CAPN15: variants seen among roughly 807,000 people sequenced by gnomAD.
CAPN15 encodes the protein calpain 15.
Under a neutral mutation model 97.9 loss-of-function variants are expected in CAPN15, and 53 were observed. The observed-to-expected ratio is 0.54, with a 90% confidence interval of 0.43 to 0.68. CAPN15 has a LOEUF of 0.68. Ranked by LOEUF, CAPN15 falls within the 30% of genes least tolerant of loss-of-function variation. The probability of loss-of-function intolerance (pLI) is 0.00; values close to 1 mark genes in which losing one functional copy is unlikely to be tolerated. For synonymous variants in CAPN15, 922 were observed against 722.5 expected, an observed-to-expected ratio of 1.28 and a Z score of -4.43; for missense variants, 1,592 against 1,589.8, an observed-to-expected ratio of 1.00 and a Z score of -0.02.
intron 3 of CAPN15, among the ~76,000 whole-genome samples, chr16:545,640 C>T (rs1471554671): frequency 2.0e-5 from 3 of 152,236 alleles, no homozygotes; most frequent in Admixed American, 2.0e-4. Context: ...GTCCTGGGGA[C>T]CCGGGTTCTC....
In CAPN15 at chr16:552,545, C is replaced by G. The variant is rs540441024; in HGVS notation, c.2737+15C>G. The G allele has an allele frequency of 6.3e-7, 1 of 1,586,318 alleles. No homozygotes were observed. The highest frequency in any genetic ancestry group is 8.5e-7 in the Non-Finnish European group (1 of 1,170,462). On this transcript the variant is annotated intron_variant, in intron 11 of 13. Coordinates refer to ENST00000219611, the MANE Select transcript of CAPN15 (RefSeq NM_005632.3). This position sits in a 1 kb window ranked among gnomAD's most constrained non-coding sequence, Gnocchi z 6.4. Reference sequence around the variant, plus strand: ...TGCCCCCCAGGGTACGTGGCCCCTACCCCAGGCTCATGCCCCAGGCCCACG... The same window carrying G: ...TGCCCCCCAGGGTACGTGGCCCCTAGCCCAGGCTCATGCCCCAGGCCCACG...
At position 547,590 on chromosome 16, in the gene CAPN15, T is replaced by C. The variant is rs759980931; in HGVS notation, c.752T>C (p.Val251Ala). ...CCCGTGCCGCGCAGCCGACGCGAGG[T>C]TCCCCCCCAGCTGCAGCCACCGGTG... Reference protein sequence around the residue: ...NNPVPRSRREVPPQLQPPVPE... With the variant: ...NNPVPRSRREAPPQLQPPVPE... Residue 251 changes from valine to alanine, a missense_variant, in exon 4 of 14, where the codon GTT becomes GCT. Val to Ala is a moderately conservative substitution (Grantham distance 64). This residue lies in a region of CAPN15 where 883 missense variants were observed against 776.6 expected (regional missense o/e 1.14). Coordinates refer to ENST00000219611, the MANE Select transcript of CAPN15 (RefSeq NM_005632.3). 1.3e-5 allele frequency: 21 copies of C among 1,577,126 alleles called. No individual in the cohort carries two copies. In the Admixed American group the frequency reaches 1.4e-4, roughly 10 times the overall value.
rs79224710 is a variant in CAPN15, at chr16:548,651, A to G, written c.1450-342A>G. 0.015 allele frequency among the ~76,000 whole-genome samples: 2,212 copies of G among 152,298 alleles called. 181 individuals are homozygous for G. The East Asian group carries it at 0.24, about 16-fold the overall frequency. On this transcript the variant is annotated intron_variant, in intron 4 of 13. Transcript: ENST00000219611. ...GGGATGTACCCGTGCTCCGCCCTCT[A>G]GAGTCCAGGATGGCATCACCCACGG...
At position 553,530 on chromosome 16, in the gene CAPN15, G is replaced by A; in HGVS notation, c.*14G>A. ...CGACCGCTGTGACCACCATGCCTGG[G>A]GCAGGGGCTGTGCACAGACGGACCC... On this transcript the variant is annotated 3_prime_UTR_variant, in exon 14 of 14. Transcript: ENST00000219611. The A allele has an allele frequency of 1.3e-6, 2 of 1,590,308 alleles. No individual in the cohort carries two copies. Among genetic ancestry groups the A allele is most frequent in the East Asian group, 2.3e-5 (1 of 44,096 alleles).
rs200245058 is a variant in CAPN15 at position 551,274 on chromosome 16, G to A, written c.2067-28G>A. 7.3e-5 allele frequency: 114 copies of A among 1,552,788 alleles called. 1 individual carries two copies. The highest frequency in any genetic ancestry group is 3.5e-4 in the Middle Eastern group (2 of 5,772). On this transcript the variant is annotated intron_variant, in intron 7 of 13. Coordinates refer to ENST00000219611, the MANE Select transcript of CAPN15 (RefSeq NM_005632.3). ...AGGGTCCCCTGTCGGTGAGGGTCCC[G>A]GTCGGTGAGGGCCGCTCTGCCACAC...
At position 553,049 on chromosome 16, in the gene CAPN15, C is replaced by T. The variant is rs763800938; in HGVS notation, c.3083+8C>T. 1 of 1,445,102 alleles carries T rather than the reference C, an allele frequency of 6.9e-7. No homozygotes were observed. The highest frequency in any genetic ancestry group is 2.0e-5 in the Admixed American group (1 of 49,884). The allele number at this position is 1,445,102 out of a possible 1,614,324, so 89.5% of individuals were successfully genotyped here. A position where few individuals can be genotyped will look rare whatever the true frequency, so the allele number is the denominator to read the frequency against. The stretch of plus-strand genomic sequence containing the variant: ...CGTGCCACCCCTGCACAGGTGCGCC[C>T]CCGCCCCTGCCCCCCCACCCCTGCA... On this transcript the variant is annotated splice_region_variant and intron_variant, in intron 13 of 13. Transcript: ENST00000219611.
At chr16:541,164 C>T (rs746502424) in intron 3 of CAPN15, among the ~76,000 whole-genome samples, 9 of 152,332 alleles carry the variant, frequency 5.9e-5, no homozygotes, top group Admixed American at 1.3e-4. Flanking sequence ...GTGGGAGGGA[C>T]GGGCGTGGAG....
rs1281771015 is a variant in CAPN15, at chr16:552,753, C to T, written c.2886C>T (p.Ser962=). 1.3e-6 allele frequency: 2 copies of T among 1,538,730 alleles called. No homozygotes were observed. The highest frequency in any genetic ancestry group is 2.0e-5 in the Admixed American group (1 of 49,954). ...LADAIILLTE[S]RGERHEGREG... ...ACGCCATCATCCTGCTCACCGAGAG[C>T]CGCGGAGAGCGGCACGAGGTGGGTG... The change falls in exon 12 of 14, where the codon AGC becomes AGT. Residue 962 remains serine, a synonymous_variant. Coordinates refer to ENST00000219611, the MANE Select transcript of CAPN15 (RefSeq NM_005632.3). The surrounding 1 kb of genome is among the most constrained non-coding windows in gnomAD (Gnocchi z 6.4).
At position 535,999 on chromosome 16, in the gene CAPN15, G is replaced by GCCCCCC. The variant is rs2033685066; in HGVS notation, c.-136-29_-136-28insCCCCCC. Reference sequence around the variant, plus strand: ...CACACTCCTTGGTGACAGTGCCCCTGCACGCCCCCCCCCCCCCCCGGTTAT... The same window carrying GCCCCCC: ...CACACTCCTTGGTGACAGTGCCCCTGCCCCCCCACGCCCCCCCCCCCCCCCGGTTAT... On this transcript the variant is annotated intron_variant, in intron 2 of 13. Coordinates refer to ENST00000219611, the MANE Select transcript of CAPN15 (RefSeq NM_005632.3). This position sits in a 1 kb window ranked among gnomAD's most constrained non-coding sequence, Gnocchi z 6.2. 7.6e-6 allele frequency: 2 copies of GCCCCCC among 261,944 alleles called. No homozygotes were observed. Among genetic ancestry groups the GCCCCCC allele is most frequent in the Admixed American group, 1.4e-4 (1 of 7,228 alleles). The allele number at this position is 261,944 out of a possible 1,614,324, so 16.2% of individuals were successfully genotyped here. A position where few individuals can be genotyped will look rare whatever the true frequency, so the allele number is the denominator to read the frequency against.
At position 551,524 on chromosome 16, in the gene CAPN15, C is replaced by T. The variant is rs767916757; in HGVS notation, c.2205C>T (p.Leu735=). ...CTGTGGTCTGCAGGCTTCTGCGGCT[C>T]CGAAACCCGTGGGGCCGTTTCTCCT... ...RDVQGTRLLR[L]RNPWGRFSWN... The change falls in exon 9 of 14, where the codon CTC becomes CTT. Residue 735 remains leucine, a synonymous_variant. Coordinates refer to ENST00000219611, the MANE Select transcript of CAPN15 (RefSeq NM_005632.3). 2 of 1,610,342 alleles carry T rather than the reference C, an allele frequency of 1.2e-6. No homozygotes were observed. The highest frequency in any genetic ancestry group is 2.2e-5 in the South Asian group (2 of 91,024).
chr16:547,545 C>T lies in CAPN15; in HGVS notation c.707C>T (p.Ser236Leu), dbSNP rs760059173. 9 of 1,597,476 alleles carry T rather than the reference C, an allele frequency of 5.6e-6. No homozygotes were observed. Among genetic ancestry groups the T allele is most frequent in the Admixed American group, 1.7e-5 (1 of 59,918 alleles). ...PPRVPPFSPF[S>L]STLQNNPVPR... ...AGGGTCCCGCCCTTCAGCCCCTTCT[C>T]GTCCACCCTGCAGAACAACCCCGTG... Residue 236 changes from serine (S) to leucine (L), a missense_variant, in exon 4 of 14, where the codon TCG (serine) becomes TTG (leucine). By Grantham distance (145) the Ser-to-Leu change is moderately radical. Coordinates refer to ENST00000219611, the MANE Select transcript of CAPN15 (RefSeq NM_005632.3).
chr16:533,576 G>A (rs1344831050), intron 1 of CAPN15, among the ~76,000 whole-genome samples: 6 of 152,178 alleles, frequency 3.9e-5, no homozygotes, highest in African/African-American at 1.2e-4. Context: ...CTGCAGCCCC[G>A]CTCATGGACT....
In CAPN15 at chr16:552,454, G is replaced by A. The variant is rs143688598; in HGVS notation, c.2661G>A (p.Glu887=). The A allele has an allele frequency of 1.2e-5, 20 of 1,609,872 alleles. No homozygotes were observed. Among genetic ancestry groups the A allele is most frequent in the Middle Eastern group, 1.6e-4 (1 of 6,082 alleles). The change falls in exon 11 of 14, where the codon GAG becomes GAA. Residue 887 remains glutamate (E), a synonymous_variant. Coordinates refer to ENST00000219611, the MANE Select transcript of CAPN15 (RefSeq NM_005632.3). The surrounding 1 kb of genome is among the most constrained non-coding windows in gnomAD (Gnocchi z 6.4). ...TCGTCAGCTGCGACGTCATGCTGGA[G>A]CCTGGCGAGTACGCTGTGGTGTGCT... ...KKFVSCDVML[E]PGEYAVVCCA...
At chr16:536,353 C>G (rs954424832) in intron 3 of CAPN15, among the ~76,000 whole-genome samples, 2 of 152,190 alleles carry the variant, frequency 1.3e-5, no homozygotes, top group Admixed American at 6.5e-5. Context: ...CTCCTCTTTC[C>G]TGGGGCCCTC....
At chr16:551,024 C>CG in intron 7 of CAPN15, among the ~76,000 whole-genome samples, 1 of 52,186 alleles carries the variant, frequency 1.9e-5, no homozygotes, top group East Asian at 5.8e-4. Context: ...TCGGTGAGGG[C>CG]CCCGGTCGGT....
In CAPN15 at chr16:554,483, G is replaced by A. The variant is rs2035310503; in HGVS notation, c.*967G>A. The A allele has an allele frequency of 6.6e-6, 3 of 454,890 alleles. No homozygotes were observed. Among genetic ancestry groups the A allele is most frequent in the African/African-American group, 2.0e-5 (1 of 50,058 alleles). 28.2% of individuals were successfully genotyped at this position (454,890 alleles called of 1,614,324 possible). A position where few individuals can be genotyped will look rare whatever the true frequency, so the allele number is the denominator to read the frequency against. On this transcript the variant is annotated 3_prime_UTR_variant, in exon 14 of 14. Coordinates refer to ENST00000219611, the MANE Select transcript of CAPN15 (RefSeq NM_005632.3). ...CCCCTTTGGCCTCCCTGTACTCTGA[G>A]CTGTGAATATTTTTAACCCTGTAAA... is the stretch of plus-strand genomic sequence containing the variant.
rs760811331 is a variant in CAPN15, at chr16:547,528, G to A, written c.690G>A (p.Pro230=). ...PAAEPEPPRV[P]PFSPFSSTLQ... is the part of the protein sequence containing the mutation. ...CCGAACCAGAGCCGCCCAGGGTCCC[G>A]CCCTTCAGCCCCTTCTCGTCCACCC... is the stretch of plus-strand genomic sequence containing the variant. The change falls in exon 4 of 14, where the codon CCG becomes CCA. Residue 230 remains proline (P), a synonymous_variant. Coordinates refer to ENST00000219611, the MANE Select transcript of CAPN15 (RefSeq NM_005632.3). The A allele has an allele frequency of 3.6e-5, 57 of 1,597,724 alleles. No individual in the cohort carries two copies. The highest frequency in any genetic ancestry group is 3.3e-4 in the East Asian group (15 of 44,826).
rs760666832 is a variant in CAPN15, at chr16:547,395, A to C, written c.557A>C (p.Glu186Ala). The change falls in exon 4 of 14, where the codon GAA becomes GCA. Residue 186 changes from glutamate (E) to alanine (A), a missense_variant. Physicochemically the swap from Glu to Ala is moderately radical, Grantham distance 107 (BLOSUM62 -1). Transcript: ENST00000219611. ...RIPPEALVVPEVVAPAGFHVV... is the reference protein window; with the variant it reads ...RIPPEALVVPAVVAPAGFHVV... ...CCTCCTGAGGCCCTGGTGGTCCCGGAAGTGGTGGCCCCGGCCGGCTTCCAC... is the reference window on the plus strand; with the variant it reads ...CCTCCTGAGGCCCTGGTGGTCCCGGCAGTGGTGGCCCCGGCCGGCTTCCAC... The C allele has an allele frequency of 6.4e-6, 10 of 1,563,648 alleles. No individual in the cohort carries two copies. The highest frequency in any genetic ancestry group is 6.9e-6 in the Non-Finnish European group (8 of 1,162,218).
rs111857694 is a variant in CAPN15 at position 544,339 on chromosome 16, G to A, written c.-22-2478G>A. On this transcript the variant is annotated intron_variant, in intron 3 of 13. Coordinates refer to ENST00000219611, the MANE Select transcript of CAPN15 (RefSeq NM_005632.3). Reference sequence around the variant, plus strand: ...GCTGCCCCGGCCGGACGGGGCATCTGTGTTTCTCGGTGTGGCCTCAGGGCT... The same window carrying A: ...GCTGCCCCGGCCGGACGGGGCATCTATGTTTCTCGGTGTGGCCTCAGGGCT... Among the ~76,000 whole-genome samples, 231 of 152,256 alleles carry A rather than the reference G, an allele frequency of 1.5e-3. 1 individual carries two copies. The highest frequency in any genetic ancestry group is 5.3e-3 in the African/African-American group (220 of 41,544).
Sources: allele counts gnomAD v4.1 joint callset (sites outside exome capture counted in the v4.1 genomes callset), GRCh38; gene constraint gnomAD v4.1.1; regional missense constraint gnomAD v4.1.1; non-coding constraint Gnocchi (gnomAD v3.1); transcripts MANE v1.5; gene names NCBI Gene and HGNC (gene_info 2026-07-23, HGNC 2026-07-21).